CSDC2: variants seen among roughly 807,000 people sequenced by gnomAD.
The protein encoded by CSDC2 is cold shock domain containing C2.
Under a neutral mutation model 15.8 loss-of-function variants are expected in CSDC2, and 8 were observed. The ratio of observed to expected loss-of-function variants is 0.51; its 90% confidence interval spans 0.30 to 0.92. The LOEUF is 0.92. CSDC2 is among the 40% of genes least tolerant of loss of function. The pLI, the probability that CSDC2 is intolerant of heterozygous loss-of-function variation, is 0.07. For synonymous variants in CSDC2, 96 were observed against 92.3 expected (o/e 1.04, Z -0.23); for missense variants, 195 against 213.3 (o/e 0.91, Z 0.53).
chr22:41,563,121 G>A (rs555302681), intron 1 of CSDC2, among the ~76,000 whole-genome samples: 1 of 152,090 alleles, frequency 6.6e-6, no homozygotes, highest in African/African-American at 2.4e-5. Context: ...AGGACTACAG[G>A]GTCTCTTAAA....
chr22:41,571,631 A>C (rs2067145599), intron 1 of CSDC2, among the ~76,000 whole-genome samples: 1 of 151,916 alleles, frequency 6.6e-6, no homozygotes, highest in East Asian at 1.9e-4. Context: ...CCTGGAGTTA[A>C]GAGAATTGAA....
intron 2 of CSDC2, among the ~76,000 whole-genome samples, chr22:41,573,080 C>T (rs1477241387): frequency 6.6e-6 from 1 of 152,182 alleles, no homozygotes; most frequent in Non-Finnish European, 1.5e-5. Context: ...CATGGTGGCT[C>T]ATGCCTGTAA....
At chr22:41,564,708 T>C (rs1172836213) in intron 1 of CSDC2, among the ~76,000 whole-genome samples, 3 of 152,170 alleles carry the variant, frequency 2.0e-5, no homozygotes, top group Middle Eastern at 3.2e-3. Flanking sequence ...CGGAGGAGAA[T>C]TGGCCTGACC....
intron 1 of CSDC2, among the ~76,000 whole-genome samples, chr22:41,564,066 A>ACTC (rs2067101057): frequency 2.7e-5 from 4 of 145,820 alleles, no homozygotes; most frequent in Non-Finnish European, 6.0e-5. Context: ...CCTGGGCGAC[A>ACTC]CAGCAAGACT....
rs2067170615 is a variant in CSDC2, at chr22:41,575,473, C to T, written c.*578C>T. 2 of 154,124 alleles carry T rather than the reference C, an allele frequency of 1.3e-5. No homozygotes were observed. The highest frequency in any genetic ancestry group is 4.8e-5 in the African/African-American group (2 of 41,482). 9.5% of individuals were successfully genotyped at this position (154,124 alleles called of 1,614,324 possible). On this transcript the variant is annotated 3_prime_UTR_variant, in exon 4 of 4. Coordinates refer to ENST00000306149, the MANE Select transcript of CSDC2 (RefSeq NM_014460.4). ...ACAGGCCTCTCACTGCCGAGGCCAGCCTTCCTTCCTGCTCTGCTCTCTCAG... is the reference window on the plus strand; with the variant it reads ...ACAGGCCTCTCACTGCCGAGGCCAGTCTTCCTTCCTGCTCTGCTCTCTCAG...
chr22:41,568,726 C>T (rs1320627003), intron 1 of CSDC2, among the ~76,000 whole-genome samples: 4 of 152,368 alleles, frequency 2.6e-5, no homozygotes, highest in East Asian at 1.9e-4. Context: ...GAGGCCAACT[C>T]GCTGCCTCCT....
chr22:41,572,089 C>T lies in CSDC2; in HGVS notation c.124C>T (p.Pro42Ser), dbSNP rs2067148054. The change falls in exon 2 of 4, where the codon CCT becomes TCT. Residue 42 changes from proline to serine, a missense_variant. Physicochemically the swap from Pro to Ser is moderately conservative, Grantham distance 74. Transcript: ENST00000306149. ...SRVWERGGVP[P>S]RDLPSPLPTK... Reference sequence around the variant, plus strand: ...GGTCTGGGAGCGGGGTGGTGTCCCACCTCGGGACCTACCCAGCCCTCTGCC... The same window carrying T: ...GGTCTGGGAGCGGGGTGGTGTCCCATCTCGGGACCTACCCAGCCCTCTGCC... 1 of 1,359,530 alleles carries T rather than the reference C, an allele frequency of 7.4e-7. No homozygotes were observed. The highest frequency in any genetic ancestry group is 9.5e-7 in the Non-Finnish European group (1 of 1,051,686). The allele number at this position is 1,359,530 out of a possible 1,614,324, so 84.2% of individuals were successfully genotyped here. A position where few individuals can be genotyped will look rare whatever the true frequency, so the allele number is the denominator to read the frequency against.
Position 41,573,746 on chromosome 22 carries a change from G to A in CSDC2, c.268G>A (p.Gly90Arg), listed in dbSNP as rs1569049583. 2.5e-6 allele frequency: 4 copies of A among 1,613,486 alleles called. No homozygotes were observed. The highest frequency in any genetic ancestry group is 1.1e-5 in the South Asian group (1 of 91,070). ...CCATGGCTTCATCACCCCCGAGAAC[G>A]GGTCCGAGGACATCTTCGTACATGT... ...QGHGFITPEN[G>R]SEDIFVHVSD... Residue 90 changes from glycine to arginine, a missense_variant, in exon 3 of 4, where the codon GGG (glycine) becomes AGG (arginine). Transcript: ENST00000306149.
At chr22:41,569,703 C>T (rs2067135237) in intron 1 of CSDC2, among the ~76,000 whole-genome samples, 1 of 151,216 alleles carries the variant, frequency 6.6e-6, no homozygotes, top group Non-Finnish European at 1.5e-5. Flanking sequence ...GGGCTGTTTT[C>T]ACTTGTTGGC....
chr22:41,562,625 C>T (rs895519268), intron 1 of CSDC2, among the ~76,000 whole-genome samples: 1 of 151,926 alleles, frequency 6.6e-6, no homozygotes, highest in African/African-American at 2.4e-5. Context: ...GAGTAGAGCC[C>T]CCTAGGGGGT....
At chr22:41,572,205 C>A in intron 2 of CSDC2, 64 bp downstream of exon 2, 1 of 1,224,950 alleles carries the variant, frequency 8.2e-7, no homozygotes, top group Non-Finnish European at 1.0e-6. Flanking sequence ...CCATCCCCAT[C>A]CTCTTCCAAC....
At chr22:41,573,005 AG>A (rs1197118860) in intron 2 of CSDC2, among the ~76,000 whole-genome samples, 1 of 152,112 alleles carries the variant, frequency 6.6e-6, no homozygotes, top group African/African-American at 2.4e-5. Flanking sequence ...CCTCCTGAGT[AG>A]CTGGGACGAC....
chr22:41,576,315 G>T lies in CSDC2; in HGVS notation c.*1420G>T, dbSNP rs1432635727. On this transcript the variant is annotated 3_prime_UTR_variant, in exon 4 of 4. Coordinates refer to ENST00000306149, the MANE Select transcript of CSDC2 (RefSeq NM_014460.4). ...CCCCAGGGCCCACCACATAAAATCT[G>T]GGAGCCCAGAGCTGCTGAGGTGTGG... The T allele has an allele frequency of 6.6e-6, 1 of 152,214 alleles. No homozygotes were observed. Among genetic ancestry groups the T allele is most frequent in the Admixed American group, 6.5e-5 (1 of 15,278 alleles). 9.4% of individuals were successfully genotyped at this position (152,214 alleles called of 1,614,324 possible). A position where few individuals can be genotyped will look rare whatever the true frequency, so the allele number is the denominator to read the frequency against.
At chr22:41,568,991 C>A (rs967983049) in intron 1 of CSDC2, among the ~76,000 whole-genome samples, 5 of 152,254 alleles carry the variant, frequency 3.3e-5, no homozygotes, top group African/African-American at 1.2e-4. Context: ...GCATCTCCCC[C>A]TCTCCATCCT....
At chr22:41,564,027 TGAGCC>T (rs1325537141) in intron 1 of CSDC2, among the ~76,000 whole-genome samples, 1 of 143,852 alleles carries the variant, frequency 7.0e-6, no homozygotes, top group Non-Finnish European at 1.5e-5. Flanking sequence ...GAGCTTGCAG[TGAGCC>T]GAGATCGCAC....
intron 1 of CSDC2, among the ~76,000 whole-genome samples, chr22:41,569,516 G>A (rs1569048233): frequency 6.6e-6 from 1 of 152,160 alleles, no homozygotes; most frequent in East Asian, 1.9e-4. Flanking sequence ...TGCCCTCTGT[G>A]TTTTTGGGAC....
rs1205235878 is a variant in CSDC2, at chr22:41,574,851, C to A, written c.418C>A (p.His140Asn). 2.5e-6 allele frequency: 4 copies of A among 1,610,356 alleles called. No homozygotes were observed. The highest frequency in any genetic ancestry group is 3.4e-5 in the Admixed American group (2 of 59,520). ...GGTGGTGCTCACTCAGCTGGCCCCC[C>A]ACACTCCCCACGAGACGTGGTCTGG... ...VEVVLTQLAP[H>N]TPHETWSGQV... The change falls in exon 4 of 4, where the codon CAC becomes AAC. Residue 140 changes from histidine (H) to asparagine (N), a missense_variant. Transcript: ENST00000306149.
Position 41,571,870 on chromosome 22 carries a change from G to A in CSDC2, c.-96G>A. 1 of 804,654 alleles carries A rather than the reference G, an allele frequency of 1.2e-6. No individual in the cohort carries two copies. The highest frequency in any genetic ancestry group is 1.7e-6 in the Non-Finnish European group (1 of 573,350). 49.8% of individuals were successfully genotyped at this position (804,654 alleles called of 1,614,324 possible). A position where few individuals can be genotyped will look rare whatever the true frequency, so the allele number is the denominator to read the frequency against. On this transcript the variant is annotated 5_prime_UTR_variant, in exon 2 of 4. Transcript: ENST00000306149. ...GGAGCCCGTGGCTGGTGAGGCCGCAGAGCAGGGCCAGGCCGGGCCCTGCCC... is the reference window on the plus strand; with the variant it reads ...GGAGCCCGTGGCTGGTGAGGCCGCAAAGCAGGGCCAGGCCGGGCCCTGCCC...
Position 41,575,035 on chromosome 22 carries a change from GC to G in CSDC2, c.*141del, listed in dbSNP as rs1453792299. The G allele has an allele frequency of 9.5e-7, 1 of 1,047,406 alleles. No homozygotes were observed. Among genetic ancestry groups the G allele is most frequent in the East Asian group, 2.6e-5 (1 of 38,214 alleles). The allele number at this position is 1,047,406 out of a possible 1,614,324, so 64.9% of individuals were successfully genotyped here. ...TGTGCACGTCTGTCTGTCCGTCTGT[GC>G]TTGTGGCTATGAGCGTGTGCCTCCA... On this transcript the variant is annotated 3_prime_UTR_variant, in exon 4 of 4. Transcript: ENST00000306149.
Sources: gnomAD v4.1 joint callset for allele counts (sites outside exome capture counted in the v4.1 genomes callset) on GRCh38, gnomAD v4.1.1 for gene constraint, MANE v1.5 for transcripts, NCBI Gene and HGNC (gene_info 2026-07-23, HGNC 2026-07-21) for gene names.